Variants in NRXN3 observed in about 807,000 individuals in gnomAD.
NRXN3 encodes the protein neurexin 3.
NRXN3 carries 32 observed loss-of-function variants against 137.6 expected under a neutral mutation model. The ratio of observed to expected loss-of-function variants is 0.23; its 90% CI spans 0.18 to 0.31. The LOEUF (loss-of-function observed/expected upper bound fraction) is 0.31. Ranked by LOEUF, NRXN3 falls within the 10% of genes least tolerant of loss-of-function variation. The pLI, the probability that NRXN3 is intolerant of heterozygous loss-of-function variation, is 1.00. For missense variants in NRXN3, 1,574 were observed against 2,062.5 expected (o/e 0.76, Z 4.59); for synonymous variants, 798 against 784.5 (o/e 1.02, Z -0.29).
chr14:78,383,110 A>T (rs939982270), intron 4 of NRXN3, among the ~76,000 whole-genome samples: 2 of 152,188 alleles, frequency 1.3e-5, no homozygotes, highest in African/African-American at 4.8e-5. Flanking sequence ...TCTGTCCTGG[A>T]TAACCCTCCT....
chr14:79,119,452 A>G (rs1390937806), intron 15 of NRXN3, among the ~76,000 whole-genome samples: 1 of 152,200 alleles, frequency 6.6e-6, no homozygotes, highest in Non-Finnish European at 1.5e-5. Flanking sequence ...CACAAGTAAT[A>G]CATTTTTAAA....
At chr14:79,203,962 AC>A (rs2066423073) in intron 15 of NRXN3, among the ~76,000 whole-genome samples, 1 of 151,924 alleles carries the variant, frequency 6.6e-6, no homozygotes, top group Admixed American at 6.6e-5. Flanking sequence ...TGGTATAAAC[AC>A]TCCCACCAAA....
At chr14:79,796,696 T>C (rs1357865979) in intron 19 of NRXN3, among the ~76,000 whole-genome samples, 2 of 152,210 alleles carry the variant, frequency 1.3e-5, no homozygotes, top group Non-Finnish European at 2.9e-5. Flanking sequence ...TAAAGACTAA[T>C]TCATTAGCAA....
At chr14:79,001,167 G>A (rs2099540656) in intron 15 of NRXN3, among the ~76,000 whole-genome samples, 1 of 152,156 alleles carries the variant, frequency 6.6e-6, no homozygotes, top group African/African-American at 2.4e-5. Context: ...GAAGGAGTAA[G>A]TTGCTTTGAA....
intron 4 of NRXN3, among the ~76,000 whole-genome samples, chr14:78,469,941 T>C (rs2095225291): frequency 6.6e-6 from 1 of 152,252 alleles, no homozygotes; most frequent in African/African-American, 2.4e-5. Flanking sequence ...AATTCCTTGA[T>C]ATGCTTGTTG....
chr14:79,260,387 T>A (rs906873494), intron 15 of NRXN3, among the ~76,000 whole-genome samples: 3 of 152,098 alleles, frequency 2.0e-5, no homozygotes, highest in African/African-American at 7.2e-5. Flanking sequence ...TAAAACATGA[T>A]TAATCTCACA....
chr14:78,703,873 G>A (rs952141440), intron 6 of NRXN3: 2 of 152,344 alleles, frequency 1.3e-5, no homozygotes, highest in Admixed American at 6.5e-5. Flanking sequence ...TTAAAAACAA[G>A]AGAAAAGAAA....
At chr14:78,869,555 A>G (rs992199941) in intron 10 of NRXN3, among the ~76,000 whole-genome samples, 2 of 152,102 alleles carry the variant, frequency 1.3e-5, no homozygotes, top group Admixed American at 6.6e-5. Flanking sequence ...TTCAGCCTGT[A>G]AAATTGTTTG....
At chr14:79,101,834 G>T (rs1179763664) in intron 15 of NRXN3, among the ~76,000 whole-genome samples, 1 of 152,118 alleles carries the variant, frequency 6.6e-6, no homozygotes, top group East Asian at 1.9e-4. Flanking sequence ...GGAGAGTATT[G>T]TGGGTCCTCA....
At chr14:78,764,946 T>C (rs2098704084) in intron 8 of NRXN3, among the ~76,000 whole-genome samples, 1 of 152,146 alleles carries the variant, frequency 6.6e-6, no homozygotes, top group Non-Finnish European at 1.5e-5. Context: ...TTGCAAACAA[T>C]TCATAAATCT....
At chr14:79,226,903 A>T (rs1358755953) in intron 15 of NRXN3, among the ~76,000 whole-genome samples, 6 of 143,844 alleles carry the variant, frequency 4.2e-5, no homozygotes, top group African/African-American at 1.6e-4. Flanking sequence ...GCAACCTCCA[A>T]CTCCCAGGTT....
At chr14:79,175,928 C>A (rs1481855408) in intron 15 of NRXN3, among the ~76,000 whole-genome samples, 1 of 152,216 alleles carries the variant, frequency 6.6e-6, no homozygotes, top group Non-Finnish European at 1.5e-5. Context: ...ACAGAGCATG[C>A]ACGACTCTGT....
At chr14:78,353,627 G>GA (rs922730660) in intron 4 of NRXN3, among the ~76,000 whole-genome samples, 4 of 151,368 alleles carry the variant, frequency 2.6e-5, no homozygotes, top group Non-Finnish European at 5.9e-5. Context: ...CTATTTTGAA[G>GA]AAAAAAAAAT....
At chr14:78,300,888 G>C (rs2076805717) in intron 4 of NRXN3, among the ~76,000 whole-genome samples, 1 of 152,204 alleles carries the variant, frequency 6.6e-6, no homozygotes, top group Non-Finnish European at 1.5e-5. Flanking sequence ...AGTGTTTGGG[G>C]ATGATTCTGT....
intron 2 of NRXN3, among the ~76,000 whole-genome samples, chr14:78,263,755 A>G (rs1212319403): frequency 6.6e-6 from 1 of 151,982 alleles, no homozygotes; most frequent in Non-Finnish European, 1.5e-5. Flanking sequence ...GCCACATCCA[A>G]TTTTCTCACA....
At chr14:78,191,483 G>A (rs189252151) in intron 1 of NRXN3, among the ~76,000 whole-genome samples, 1 of 152,206 alleles carries the variant, frequency 6.6e-6, no homozygotes, top group African/African-American at 2.4e-5. Context: ...CATTTGATGA[G>A]GCTGTGGGAG....
chr14:78,838,834 CTG>C (rs1165827545), intron 10 of NRXN3, among the ~76,000 whole-genome samples: 1 of 152,112 alleles, frequency 6.6e-6, no homozygotes, highest in Non-Finnish European at 1.5e-5. Context: ...TGGCCAAGAG[CTG>C]TGCAGGGGTA....
At chr14:79,412,614 T>TAA in intron 15 of NRXN3, among the ~76,000 whole-genome samples, 1 of 126,786 alleles carries the variant, frequency 7.9e-6, no homozygotes, top group Non-Finnish European at 1.8e-5. Context: ...CCCCATCTAC[T>TAA]AAAAAAAAAA....
intron 19 of NRXN3, among the ~76,000 whole-genome samples, chr14:79,752,637 C>A (rs1160157536): frequency 6.6e-6 from 1 of 152,216 alleles, no homozygotes; most frequent in South Asian, 2.1e-4. Flanking sequence ...CAAGGCATTA[C>A]CATTCAGGAC....
Sources: gnomAD v4.1 joint callset for allele counts (sites outside exome capture counted in the v4.1 genomes callset) on GRCh38, gnomAD v4.1.1 for gene constraint, MANE v1.5 for transcripts, NCBI Gene and HGNC (gene_info 2026-07-23, HGNC 2026-07-21) for gene names.